SCNN1B: variants seen among roughly 807,000 people sequenced by gnomAD.
The protein encoded by SCNN1B is sodium channel epithelial 1 subunit beta.
In SCNN1B, 46 loss-of-function variants were observed where a neutral mutation model predicts 65.3. That is an observed-to-expected ratio of 0.70 (90% CI 0.56 to 0.90). The LOEUF is 0.90. Among genes scored for constraint, SCNN1B ranks in the 40% least tolerant of loss-of-function variants. The probability of loss-of-function intolerance (pLI) is 0.00; values close to 1 mark genes in which losing one functional copy is unlikely to be tolerated. For synonymous variants in SCNN1B, 349 were observed against 330.6 expected (o/e 1.06, Z -0.60); for missense variants, 751 against 830.5 (o/e 0.90, Z 1.18).
chr16:23,296,516 T>C (rs1323337025), intron 2 of SCNN1B, among the ~76,000 whole-genome samples: 1 of 152,192 alleles, frequency 6.6e-6, no homozygotes, highest in African/African-American at 2.4e-5. Flanking sequence ...TTTTGTTCTT[T>C]GGGCTTTGTG....
Position 23,380,630 on chromosome 16 carries a change from C to T in SCNN1B, c.1752C>T (p.Ala584=), listed in dbSNP as rs764100413. 28 of 1,613,548 alleles carry T rather than the reference C, an allele frequency of 1.7e-5. No homozygotes were observed. The highest frequency in any genetic ancestry group is 2.3e-5 in the Non-Finnish European group (27 of 1,179,822). Residue 584 remains alanine, a synonymous_variant, in exon 13 of 13, where the codon GCC becomes GCT. Transcript: ENST00000343070. The surrounding 1 kb of genome is among the most constrained non-coding windows in gnomAD (Gnocchi z 5.4). The part of the protein sequence containing the change: ...PPPTVAELVE[A]HTNFGFQPDT... ...CCACCGTGGCCGAGCTGGTGGAGGC[C>T]CACACCAACTTTGGCTTCCAGCCTG...
intron 1 of SCNN1B, among the ~76,000 whole-genome samples, chr16:23,341,017 C>T (rs1173688473): frequency 1.3e-5 from 2 of 152,088 alleles, no homozygotes; most frequent in African/African-American, 4.8e-5. Context: ...TCAATTTCTA[C>T]AAAAATTCTG....
At position 23,315,606 on chromosome 16, in the gene SCNN1B, C is replaced by A. The variant is rs1385544314; in HGVS notation, c.-9+13169C>A. 3.3e-5 allele frequency among the ~76,000 whole-genome samples: 5 copies of A among 152,280 alleles called. No individual in the cohort carries two copies. In the South Asian group the frequency reaches 6.2e-4, roughly 19 times the overall value. On this transcript the variant is annotated intron_variant, in intron 1 of 12. Transcript: ENST00000343070. ...ATTGCTTGAGCCCAGGAGTTTGAGA[C>A]CAGCCTGCCTGGGCAACATAGTGAG...
chr16:23,309,165 G>T (rs1384714039), intron 1 of SCNN1B, among the ~76,000 whole-genome samples: 1 of 152,082 alleles, frequency 6.6e-6, no homozygotes, highest in Admixed American at 6.6e-5. Context: ...GTTGCTAAGG[G>T]AGCTGGTGGA....
In SCNN1B at chr16:23,381,285, A is replaced by G. The variant is rs554767511; in HGVS notation, c.*484A>G. On this transcript the variant is annotated 3_prime_UTR_variant, in exon 13 of 13. Coordinates refer to ENST00000343070, the MANE Select transcript of SCNN1B (RefSeq NM_000336.3). ...GATTTACTCTAGAAAATAAAAGTAG[A>G]AAATACTGAGTCCAGCTGTGTTGTT... 5.7e-6 allele frequency: 1 copy of G among 176,940 alleles called. No homozygotes were observed. The highest frequency in any genetic ancestry group is 1.4e-4 in the South Asian group (1 of 7,356). 11.0% of individuals were successfully genotyped at this position (176,940 alleles called of 1,614,324 possible).
intron 4 of SCNN1B, among the ~76,000 whole-genome samples, chr16:23,363,343 C>G (rs1358835907): frequency 6.6e-6 from 1 of 152,168 alleles, no homozygotes; most frequent in African/African-American, 2.4e-5. Context: ...GTGATGTAAC[C>G]ATCCCAAAGC....
intron 1 of SCNN1B, among the ~76,000 whole-genome samples, chr16:23,311,064 G>A (rs16940015): frequency 0.062 from 9,469 of 152,318 alleles, 987 homozygotes; most frequent in African/African-American, 0.22. Context: ...CTTTGAGGGC[G>A]GTTCGGCAAA....
In SCNN1B at chr16:23,322,837, G is replaced by T. The variant is rs185787545; in HGVS notation, c.-9+20400G>T. On this transcript the variant is annotated intron_variant, in intron 1 of 12. Transcript: ENST00000343070. Reference sequence around the variant, plus strand: ...AAATTTACACTGTGATCATTTTTACGTGTGCAGTTCAGTGGTCTTAACTCC... The same window carrying T: ...AAATTTACACTGTGATCATTTTTACTTGTGCAGTTCAGTGGTCTTAACTCC... 5.3e-5 allele frequency among the ~76,000 whole-genome samples: 8 copies of T among 151,954 alleles called. No homozygotes were observed. In the East Asian group the frequency reaches 7.7e-4, roughly 15 times the overall value.
At chr16:23,338,504 C>T (rs1489966507) in intron 1 of SCNN1B, among the ~76,000 whole-genome samples, 2 of 152,200 alleles carry the variant, frequency 1.3e-5, no homozygotes, top group African/African-American at 4.8e-5. Flanking sequence ...AACCATATTC[C>T]CCAGTAATCT....
At chr16:23,324,300 A>G (rs1961648785) in intron 1 of SCNN1B, among the ~76,000 whole-genome samples, 2 of 151,290 alleles carry the variant, frequency 1.3e-5, no homozygotes, top group African/African-American at 4.9e-5. Context: ...CGAACCTCTC[A>G]CCTCAGCCTC....
At chr16:23,370,876 A>G (rs1962767360) in intron 5 of SCNN1B, among the ~76,000 whole-genome samples, 1 of 152,240 alleles carries the variant, frequency 6.6e-6, no homozygotes, top group African/African-American at 2.4e-5. Context: ...ACAGCACTCC[A>G]GAGTGAGGAA....
chr16:23,375,518 G>C (rs1408604037), intron 7 of SCNN1B, among the ~76,000 whole-genome samples: 2 of 152,102 alleles, frequency 1.3e-5, no homozygotes, highest in Admixed American at 1.3e-4. Context: ...CCCTCTGTGG[G>C]GTCCAGAGAC....
intron 1 of SCNN1B, among the ~76,000 whole-genome samples, chr16:23,308,600 TG>T (rs1961271019): frequency 1.3e-5 from 2 of 151,426 alleles, no homozygotes; most frequent in Non-Finnish European, 2.9e-5. Context: ...CCTTGCAATC[TG>T]TAATTTATTT....
intron 2 of SCNN1B, among the ~76,000 whole-genome samples, chr16:23,286,235 T>G (rs1960848433): frequency 6.6e-6 from 1 of 152,186 alleles, no homozygotes; most frequent in African/African-American, 2.4e-5. Context: ...AATGAGAGCA[T>G]TAGAACTTTG....
At chr16:23,379,739 G>A (rs1366147696) in intron 11 of SCNN1B, among the ~76,000 whole-genome samples, 3 of 152,206 alleles carry the variant, frequency 2.0e-5, no homozygotes, top group Non-Finnish European at 4.4e-5. Context: ...GCTGTCCCAG[G>A]CCAGAGTGTC....
chr16:23,310,290 C>CAAAAAAAAAA (rs202228096), intron 1 of SCNN1B, among the ~76,000 whole-genome samples: 2 of 93,004 alleles, frequency 2.2e-5, no homozygotes, highest in African/African-American at 4.0e-5. Flanking sequence ...TCTGCATGAC[C>CAAAAAAAAAA]AAAAAAAAAA....
chr16:23,376,927 G>T lies in SCNN1B; in HGVS notation c.1271-238G>T, dbSNP rs562902639. ...ACCCTGTCCACCAGGCAGGGATGGGGATGGCCGGCAAAGGGAAAGCTGCTG... is the reference window on the plus strand; with the variant it reads ...ACCCTGTCCACCAGGCAGGGATGGGTATGGCCGGCAAAGGGAAAGCTGCTG... On this transcript the variant is annotated intron_variant, in intron 8 of 12. Transcript: ENST00000343070. 2.6e-5 allele frequency among the ~76,000 whole-genome samples: 4 copies of T among 152,320 alleles called. No homozygotes were observed. The South Asian group carries it at 8.3e-4, about 32-fold the overall frequency.
At chr16:23,377,505 C>T in intron 10 of SCNN1B, 119 bp downstream of exon 10, 2 of 835,958 alleles carry the variant, frequency 2.4e-6, no homozygotes, top group African/African-American at 1.7e-5. Flanking sequence ...CTCCTTCCTT[C>T]CTTCTCTGTT....
At chr16:23,376,144 C>T (rs933131219) in intron 8 of SCNN1B, among the ~76,000 whole-genome samples, 1 of 152,252 alleles carries the variant, frequency 6.6e-6, no homozygotes, top group Non-Finnish European at 1.5e-5. Context: ...AATGCTCACA[C>T]ATGTGCAACC....
Sources: gnomAD v4.1 joint callset for allele counts (sites outside exome capture counted in the v4.1 genomes callset) on GRCh38, gnomAD v4.1.1 for gene constraint, Gnocchi (gnomAD v3.1) non-coding constraint, MANE v1.5 for transcripts, NCBI Gene and HGNC (gene_info 2026-07-23, HGNC 2026-07-21) for gene names.